Variants in RCBTB2 observed in about 807,000 individuals in gnomAD.
The protein encoded by RCBTB2 is RCC1 and BTB domain-containing protein 2.
RCBTB2 carries 55 observed loss-of-function variants against 65.4 expected under a neutral mutation model. That is an observed-to-expected ratio of 0.84 (90% CI 0.68 to 1.05). RCBTB2 has a LOEUF of 1.05. Ranked by LOEUF, RCBTB2 falls within the 50% of genes least tolerant of loss-of-function variation. The pLI, the probability that RCBTB2 is intolerant of heterozygous loss-of-function variation, is 0.00. For missense variants in RCBTB2, 599 were observed against 680.1 expected (o/e 0.88, Z 1.33); for synonymous variants, 220 against 255.2 (o/e 0.86, Z 1.31).
chr13:48,517,534 T>C (rs1416740125), intron 4 of RCBTB2, among the ~76,000 whole-genome samples: 2 of 152,210 alleles, frequency 1.3e-5, no homozygotes, highest in East Asian at 3.8e-4. Flanking sequence ...CCAACAGTAT[T>C]AACTTGTATC....
chr13:48,499,897 G>T (rs773053565), intron 12 of RCBTB2, 137 bp from the exon 13 acceptor site: 1 of 1,011,054 alleles, frequency 9.9e-7, no homozygotes, highest in Non-Finnish European at 1.4e-6. Context: ...GCTGGCCAGG[G>T]TTTTCAAACA....
chr13:48,514,974 T>C lies in RCBTB2; in HGVS notation c.349+231A>G, dbSNP rs9331993. Among the ~76,000 whole-genome samples the C allele has an allele frequency of 6.2e-3, 937 of 152,350 alleles. 10 individuals carry two copies. The highest frequency in any genetic ancestry group is 0.022 in the African/African-American group (895 of 41,582). On this transcript the variant is annotated intron_variant, in intron 6 of 14. Coordinates refer to ENST00000344532, the MANE Select transcript of RCBTB2 (RefSeq NM_001268.4). ...CTTGCCAAAGTCCACAATCAGTTCG[T>C]CAGTGTTTACTGGGCTTACAGCGTT... is the stretch of plus-strand genomic sequence containing the variant.
At chr13:48,535,866 A>G, upstream of RCBTB2, 1 of 407,532 alleles carries the variant, frequency 2.5e-6, no homozygotes, top group Non-Finnish European at 4.8e-6. Flanking sequence ...GGACTTCTCT[A>G]TCTTCTCGTT....
At chr13:48,510,292 C>T (rs977914485) in intron 10 of RCBTB2, among the ~76,000 whole-genome samples, 1 of 151,976 alleles carries the variant, frequency 6.6e-6, no homozygotes, top group Admixed American at 6.6e-5. Context: ...TTATTGACAC[C>T]CCCTTAAGAA....
intron 10 of RCBTB2, chr13:48,504,249 C>T: frequency 1.0e-6 from 1 of 985,416 alleles, no homozygotes; most frequent in Non-Finnish European, 1.2e-6. Context: ...GTTAATCATC[C>T]TCTTGGAACA....
At chr13:48,498,966 T>C (rs769548359) in intron 13 of RCBTB2, among the ~76,000 whole-genome samples, 5 of 151,972 alleles carry the variant, frequency 3.3e-5, no homozygotes, top group Non-Finnish European at 7.4e-5. Context: ...TCTGATCTCT[T>C]TTCAATACTT....
intron 13 of RCBTB2, 70 bp from the exon 14 acceptor site, chr13:48,496,391 A>C: frequency 2.8e-6 from 4 of 1,415,418 alleles, no homozygotes; most frequent in Non-Finnish European, 3.8e-6. Flanking sequence ...TCACTCAGCC[A>C]CTCAGAGATG....
At chr13:48,510,551 C>G in intron 10 of RCBTB2, 78 bp downstream of exon 10, 1 of 1,440,964 alleles carries the variant, frequency 6.9e-7, no homozygotes, top group South Asian at 1.3e-5. Context: ...CATTCCCCAC[C>G]ATTCTCTATA....
chr13:48,532,869 G>T, intron 1 of RCBTB2, 159 bp downstream of exon 1: 1 of 390,950 alleles, frequency 2.6e-6, no homozygotes, highest in Non-Finnish European at 5.1e-6. Flanking sequence ...CCTGTGGCAC[G>T]GTCGCGGCTC....
intron 14 of RCBTB2, among the ~76,000 whole-genome samples, chr13:48,495,179 G>A (rs1448198063): frequency 1.3e-5 from 2 of 152,044 alleles, no homozygotes; most frequent in African/African-American, 4.8e-5. Flanking sequence ...TAAAGATTTG[G>A]TTCTAAGATT....
intron 1 of RCBTB2, among the ~76,000 whole-genome samples, chr13:48,531,691 T>C (rs551018325): frequency 8.5e-5 from 13 of 152,354 alleles, no homozygotes; most frequent in African/African-American, 2.6e-4. Flanking sequence ...TGCTGCTTAA[T>C]AACACGCATG....
At chr13:48,516,987 C>T (rs937510254) in intron 4 of RCBTB2, among the ~76,000 whole-genome samples, 9 of 152,206 alleles carry the variant, frequency 5.9e-5, no homozygotes, top group African/African-American at 2.2e-4. Flanking sequence ...CTCTCTTTCC[C>T]ATCAGTTATT....
chr13:48,499,532 C>T (rs1950137673), intron 13 of RCBTB2, 89 bp downstream of exon 13: 7 of 1,325,912 alleles, frequency 5.3e-6, no homozygotes, highest in Non-Finnish European at 7.4e-6. Context: ...TGTAATTACC[C>T]TCACAGTGAC....
At chr13:48,499,389 T>C (rs1817861692) in intron 13 of RCBTB2, among the ~76,000 whole-genome samples, 1 of 152,210 alleles carries the variant, frequency 6.6e-6, no homozygotes, top group South Asian at 2.1e-4. Flanking sequence ...CCTTCCTCCA[T>C]GCTGCTGCCT....
intron 13 of RCBTB2, among the ~76,000 whole-genome samples, chr13:48,499,193 TC>T (rs2138439577): frequency 6.7e-6 from 1 of 148,382 alleles, no homozygotes; most frequent in South Asian, 2.1e-4. Flanking sequence ...CATCCATTCT[TC>T]CTTTCTACTG....
rs775082268 is a variant in RCBTB2, at chr13:48,501,810, G to A, written c.1176C>T (p.Asp392=). 1.9e-6 allele frequency: 3 copies of A among 1,613,214 alleles called. No homozygotes were observed. The highest frequency in any genetic ancestry group is 2.5e-6 in the Non-Finnish European group (3 of 1,179,138). ...ESLKREFDNP[D]TADLKFLVDG... ...CAACTAGAAACTTCAGGTCTGCAGT[G>A]TCCGGGTTGTCAAATTCCCTCTTCA... Residue 392 remains aspartate (D), a synonymous_variant, in exon 12 of 15, where the codon GAC becomes GAT. Coordinates refer to ENST00000344532, the MANE Select transcript of RCBTB2 (RefSeq NM_001268.4).
At position 48,515,204 on chromosome 13, in the gene RCBTB2, C is replaced by T; in HGVS notation, c.349+1G>A. 2 of 1,611,046 alleles carry T rather than the reference C, an allele frequency of 1.2e-6. No individual in the cohort carries two copies. Among genetic ancestry groups the T allele is most frequent in the Non-Finnish European group, 1.7e-6 (2 of 1,178,998 alleles). ...AATTCTACATGGGGTTCCTAGGTTA[C>T]CTGTTGTTGCAAGGACAATATGTGG... is the stretch of plus-strand genomic sequence containing the variant. On this transcript the variant is annotated splice_donor_variant, in intron 6 of 14. Coordinates refer to ENST00000344532, the MANE Select transcript of RCBTB2 (RefSeq NM_001268.4). LOFTEE classifies it high-confidence loss of function.
chr13:48,499,111 AAC>A (rs142443945), intron 13 of RCBTB2, among the ~76,000 whole-genome samples: 1,393 of 105,840 alleles, frequency 0.013, 11 homozygotes, highest in African/African-American at 0.029. Context: ...CCCCCACCCC[AAC>A]ACACACACAC....
Position 48,489,997 on chromosome 13 carries a change from C to G in RCBTB2, c.*114G>C. ...ACCACCATCCTTCTTCTGACAGTTACAAGTACTCAGCCAAACATAGCTCAT... is the reference window on the plus strand; with the variant it reads ...ACCACCATCCTTCTTCTGACAGTTAGAAGTACTCAGCCAAACATAGCTCAT... On this transcript the variant is annotated 3_prime_UTR_variant, in exon 15 of 15. Transcript: ENST00000344532. 1.7e-6 allele frequency: 2 copies of G among 1,162,608 alleles called. No homozygotes were observed. Among genetic ancestry groups the G allele is most frequent in the South Asian group, 2.6e-5 (2 of 77,816 alleles). The allele number at this position is 1,162,608 out of a possible 1,614,324, so 72.0% of individuals were successfully genotyped here.
Sources: allele counts gnomAD v4.1 joint callset (sites outside exome capture counted in the v4.1 genomes callset), GRCh38; gene constraint gnomAD v4.1.1; transcripts MANE v1.5; gene names NCBI Gene and HGNC (gene_info 2026-07-23, HGNC 2026-07-21).